PCDHA13: variants seen among roughly 807,000 people sequenced by gnomAD.
PCDHA13 encodes the protein protocadherin alpha-13.
PCDHA13 carries 54 observed loss-of-function variants against 64.8 expected under a neutral mutation model. The ratio of observed to expected loss-of-function variants is 0.83; its 90% CI spans 0.67 to 1.04. The LOEUF is 1.04. Among genes scored for constraint, PCDHA13 ranks in the 50% least tolerant of loss-of-function variants. The pLI, the probability that PCDHA13 is intolerant of heterozygous loss-of-function variation, is 0.00. For synonymous variants in PCDHA13, 587 were observed against 564.4 expected (o/e 1.04, Z -0.57); for missense variants, 1,248 against 1,254.3 (o/e 0.99, Z 0.08).
At chr5:140,892,086 C>T (rs965682257) in intron 1 of PCDHA13, among the ~76,000 whole-genome samples, 1 of 152,156 alleles carries the variant, frequency 6.6e-6, no homozygotes, top group Non-Finnish European at 1.5e-5. Context: ...CTAGTTTCCT[C>T]TCGAAACTTT....
chr5:140,994,473 C>T (rs1199561805), intron 3 of PCDHA13, among the ~76,000 whole-genome samples: 2 of 152,038 alleles, frequency 1.3e-5, no homozygotes, highest in Admixed American at 6.5e-5. Flanking sequence ...GAGGCTGAGG[C>T]GGGTGGATTG....
At chr5:140,944,226 C>T (rs988249626) in intron 1 of PCDHA13, among the ~76,000 whole-genome samples, 3 of 152,126 alleles carry the variant, frequency 2.0e-5, no homozygotes, top group Admixed American at 2.0e-4. Flanking sequence ...TTTACTCTGT[C>T]GCTCAGGCTG....
chr5:140,943,274 A>AAAAG (rs1349019397), intron 1 of PCDHA13, among the ~76,000 whole-genome samples: 1 of 141,284 alleles, frequency 7.1e-6, no homozygotes, highest in Admixed American at 7.3e-5. Context: ...AAAAAAAAAA[A>AAAAG]AAAGAAAGAA....
intron 1 of PCDHA13, among the ~76,000 whole-genome samples, chr5:140,892,396 T>G (rs1263522999): frequency 1.3e-5 from 2 of 152,212 alleles, no homozygotes; most frequent in Non-Finnish European, 2.9e-5. Context: ...TCTTAATCTA[T>G]TTCAAGCTTC....
chr5:140,953,074 C>T (rs929530454), intron 1 of PCDHA13, among the ~76,000 whole-genome samples: 1 of 152,204 alleles, frequency 6.6e-6, no homozygotes, highest in Non-Finnish European at 1.5e-5. Flanking sequence ...CCATCTCCAA[C>T]ATTGGGGATT....
At chr5:140,941,255 C>CTTTCTTTCTTTCTTTCTT (rs782490896) in intron 1 of PCDHA13, among the ~76,000 whole-genome samples, 39 of 44,506 alleles carry the variant, frequency 8.8e-4, no homozygotes, top group Middle Eastern at 0.012. Flanking sequence ...TTCTTTCTTT[C>CTTTCTTTCTTTCTTTCTT]TCTTTCTTTC....
At chr5:140,964,174 A>G (rs1187603456) in intron 1 of PCDHA13, among the ~76,000 whole-genome samples, 2 of 152,250 alleles carry the variant, frequency 1.3e-5, no homozygotes, top group African/African-American at 4.8e-5. Flanking sequence ...GAACGAAATC[A>G]TTATAGTGCC....
chr5:140,962,944 G>T (rs572517623), intron 1 of PCDHA13, among the ~76,000 whole-genome samples: 1 of 152,158 alleles, frequency 6.6e-6, no homozygotes, highest in East Asian at 1.9e-4. Flanking sequence ...CTCTCCATAA[G>T]ATATGCTCTA....
chr5:140,941,202 C>CTTTCTTTCTTTCTCT (rs1554213921), intron 1 of PCDHA13, among the ~76,000 whole-genome samples: 1 of 122,742 alleles, frequency 8.1e-6, no homozygotes, highest in African/African-American at 3.0e-5. Context: ...TTTCTTTCTT[C>CTTTCTTTCTTTCTCT]CTTTCTTTCT....
chr5:140,965,855 T>G (rs961780781), intron 1 of PCDHA13, among the ~76,000 whole-genome samples: 1 of 152,226 alleles, frequency 6.6e-6, no homozygotes, highest in African/African-American at 2.4e-5. Context: ...AGGCACACAC[T>G]GAAAATAAGG....
intron 1 of PCDHA13, among the ~76,000 whole-genome samples, chr5:140,951,684 A>G (rs1392497741): frequency 3.3e-5 from 5 of 152,144 alleles, no homozygotes; most frequent in African/African-American, 1.2e-4. Flanking sequence ...GGGGATTACA[A>G]TGTGACATGA....
chr5:140,973,105 G>C (rs1166565820), intron 1 of PCDHA13, among the ~76,000 whole-genome samples: 1 of 152,180 alleles, frequency 6.6e-6, no homozygotes, highest in Non-Finnish European at 1.5e-5. Flanking sequence ...AATTATGAAA[G>C]AGTAGCAGAG....
intron 1 of PCDHA13, among the ~76,000 whole-genome samples, chr5:140,951,383 G>A (rs782698893): frequency 1.2e-4 from 19 of 152,064 alleles, no homozygotes; most frequent in Non-Finnish European, 2.6e-4. Flanking sequence ...CCAAGACTCG[G>A]TAATTTATAA....
intron 1 of PCDHA13, among the ~76,000 whole-genome samples, chr5:140,889,697 A>G (rs920897018): frequency 4.6e-5 from 7 of 152,294 alleles, no homozygotes; most frequent in Middle Eastern, 3.4e-3. Flanking sequence ...TATTATGGGC[A>G]TATTCCACAA....
chr5:140,968,855 A>G (rs2096275634), intron 1 of PCDHA13: 2 of 1,614,198 alleles, frequency 1.2e-6, no homozygotes, highest in Non-Finnish European at 1.7e-6. Flanking sequence ...GCATGTTAAG[A>G]GCCCTCGGAC....
At chr5:140,992,152 A>G (rs1440263664) in intron 3 of PCDHA13, among the ~76,000 whole-genome samples, 2 of 152,004 alleles carry the variant, frequency 1.3e-5, no homozygotes, top group Non-Finnish European at 2.9e-5. Context: ...ACTTTGCTCA[A>G]TCAAGAAGTG....
intron 1 of PCDHA13, chr5:140,927,739 CG>C: frequency 1.2e-6 from 2 of 1,614,212 alleles, no homozygotes; most frequent in Non-Finnish European, 1.7e-6. Flanking sequence ...GCTGCGACAC[CG>C]CTTTCACGTG....
chr5:140,919,306 A>G (rs1407810868), intron 1 of PCDHA13, among the ~76,000 whole-genome samples: 1 of 152,150 alleles, frequency 6.6e-6, no homozygotes. Context: ...TGTACAATAT[A>G]TGTTTTCCCA....
rs781862611 is a variant in PCDHA13 at position 140,884,260 on chromosome 5, G to A, written c.1992G>A (p.Thr664=). The A allele has an allele frequency of 1.2e-5, 19 of 1,613,410 alleles. No individual in the cohort carries two copies. Among genetic ancestry groups the A allele is most frequent in the Non-Finnish European group, 1.5e-5 (18 of 1,179,750 alleles). ...AGCCCGCGCTGACGGCCACGGCAAC[G>A]GTGCTGTTGTCGCTGGTGGAGAGCG... is the stretch of plus-strand genomic sequence containing the variant. ...HGEPALTATA[T]VLLSLVESGQ... is the part of the protein sequence containing the mutation. Residue 664 remains threonine (T), a synonymous_variant, in exon 1 of 4, where the codon ACG becomes ACA. Coordinates refer to ENST00000289272, the MANE Select transcript of PCDHA13 (RefSeq NM_018904.3).
Sources: allele counts gnomAD v4.1 joint callset (sites outside exome capture counted in the v4.1 genomes callset), GRCh38; gene constraint gnomAD v4.1.1; transcripts MANE v1.5; gene names NCBI Gene and HGNC (gene_info 2026-07-23, HGNC 2026-07-21).